Variants in TRAPPC9 observed in about 807,000 individuals in gnomAD.
The protein encoded by TRAPPC9 is IKK2 binding protein.
TRAPPC9 carries 83 observed loss-of-function variants against 124.0 expected under a neutral mutation model. The observed-to-expected ratio is 0.67, with a 90% confidence interval of 0.56 to 0.80. The LOEUF (loss-of-function observed/expected upper bound fraction) is 0.80. TRAPPC9 is among the 30% of genes least tolerant of loss of function. TRAPPC9 has a pLI of 0.00. For missense variants in TRAPPC9, 1,302 were observed against 1,508.3 expected (o/e 0.86, Z 2.27); for synonymous variants, 638 against 617.5 (o/e 1.03, Z -0.49).
chr8:139,980,672 G>A (rs13279341), intron 19 of TRAPPC9, among the ~76,000 whole-genome samples: 28,223 of 152,262 alleles, frequency 0.19, 3,137 homozygotes, highest in African/African-American at 0.32. Flanking sequence ...CTCGGCGCAC[G>A]GTGAGGCCCT....
chr8:140,432,876 A>AT (rs1255461229), intron 4 of TRAPPC9, among the ~76,000 whole-genome samples: 1 of 151,972 alleles, frequency 6.6e-6, no homozygotes, highest in African/African-American at 2.4e-5. Flanking sequence ...TGTATCAAAA[A>AT]AAAAAAAAGT....
intron 15 of TRAPPC9, among the ~76,000 whole-genome samples, chr8:140,268,724 T>C (rs1306884232): frequency 6.6e-6 from 1 of 152,182 alleles, no homozygotes; most frequent in Admixed American, 6.5e-5. Flanking sequence ...ATCCTCAGAC[T>C]GACTGGGGAC....
At chr8:139,971,830 C>CACA (rs1205445747) in intron 19 of TRAPPC9, among the ~76,000 whole-genome samples, 2 of 149,854 alleles carry the variant, frequency 1.3e-5, no homozygotes, top group Non-Finnish European at 3.0e-5. Context: ...CACACACACA[C>CACA]AATTTTTTTT....
intron 19 of TRAPPC9, among the ~76,000 whole-genome samples, chr8:139,980,407 A>C (rs1330503960): frequency 1.3e-5 from 2 of 152,168 alleles, no homozygotes; most frequent in African/African-American, 2.4e-5. Context: ...TTGAGCAGAA[A>C]TTGGGTCCGG....
intron 17 of TRAPPC9, among the ~76,000 whole-genome samples, chr8:140,136,194 G>A (rs889671138): frequency 6.6e-6 from 1 of 152,088 alleles, no homozygotes; most frequent in Non-Finnish European, 1.5e-5. Flanking sequence ...AGGGACCAGT[G>A]GGCAGAGGAG....
chr8:140,033,688 T>TTTG (rs1225633554), intron 17 of TRAPPC9, among the ~76,000 whole-genome samples: 1,566 of 115,084 alleles, frequency 0.014, 79 homozygotes, highest in South Asian at 0.036. Context: ...TTTTTTTTTT[T>TTTG]TTTTTTTTTT....
chr8:140,287,481 C>A (rs1202782673), intron 13 of TRAPPC9, 127 bp downstream of exon 13: 8 of 1,311,244 alleles, frequency 6.1e-6, no homozygotes, highest in Admixed American at 1.7e-5. Context: ...CCCAAAGAGA[C>A]AAGGTCTTCA....
rs917260477 is a variant in TRAPPC9 at position 140,445,309 on chromosome 8, C to T, written c.584+5481G>A. On this transcript the variant is annotated intron_variant, in intron 2 of 22. Coordinates refer to ENST00000438773, the MANE Select transcript of TRAPPC9 (RefSeq NM_001160372.4). ...CTAGCACAGCACATGGCAAGCTTCC[C>T]GTAAATGTGTGCTGAGTCACCTCTG... 6.6e-5 allele frequency among the ~76,000 whole-genome samples: 10 copies of T among 152,318 alleles called. No individual in the cohort carries two copies. In the East Asian group the frequency reaches 1.7e-3, roughly 26 times the overall value.
At chr8:140,162,927 G>C (rs879476272) in intron 17 of TRAPPC9, among the ~76,000 whole-genome samples, 1 of 152,156 alleles carries the variant, frequency 6.6e-6, no homozygotes, top group Non-Finnish European at 1.5e-5. Context: ...AGGAGTTCAA[G>C]ACTGTAGTTA....
chr8:140,118,162 G>A (rs2060924024), intron 17 of TRAPPC9, among the ~76,000 whole-genome samples: 1 of 152,182 alleles, frequency 6.6e-6, no homozygotes, highest in Non-Finnish European at 1.5e-5. Flanking sequence ...GATGCACGTG[G>A]GTGGCGCTTT....
intron 21 of TRAPPC9, among the ~76,000 whole-genome samples, chr8:139,848,498 A>G (rs1827243604): frequency 6.6e-6 from 1 of 152,194 alleles, no homozygotes; most frequent in Non-Finnish European, 1.5e-5. Flanking sequence ...GAGATATGGA[A>G]TAAACATATA....
chr8:140,283,831 G>T, intron 14 of TRAPPC9, 58 bp downstream of exon 14: 1 of 1,568,300 alleles, frequency 6.4e-7, no homozygotes, highest in Non-Finnish European at 8.7e-7. Flanking sequence ...AAAAAAAAAT[G>T]TAGGACCAAA....
chr8:140,227,391 G>C (rs914611402), intron 16 of TRAPPC9, among the ~76,000 whole-genome samples: 1 of 152,060 alleles, frequency 6.6e-6, no homozygotes, highest in Non-Finnish European at 1.5e-5. Flanking sequence ...AGATGAAGGC[G>C]GCCTAGTAGG....
chr8:140,363,984 C>T (rs749666667), intron 8 of TRAPPC9, among the ~76,000 whole-genome samples: 5 of 151,948 alleles, frequency 3.3e-5, no homozygotes, highest in African/African-American at 1.2e-4. Flanking sequence ...AAACGGCATT[C>T]GATGAAAGAG....
chr8:140,453,864 G>A (rs574259361), intron 1 of TRAPPC9, among the ~76,000 whole-genome samples: 34 of 152,322 alleles, frequency 2.2e-4, no homozygotes, highest in East Asian at 3.9e-4. Flanking sequence ...AATACTGAGC[G>A]GGGGAGACTG....
At chr8:139,784,608 CATATATATATATATATATAT>C (rs34583867) in intron 21 of TRAPPC9, among the ~76,000 whole-genome samples, 15 of 88,656 alleles carry the variant, frequency 1.7e-4, no homozygotes, top group Middle Eastern at 6.2e-3. Flanking sequence ...AAAAGACTGA[CATATATATATATATATATAT>C]ATATATATAT....
chr8:140,401,856 G>A (rs1177850421), intron 6 of TRAPPC9, among the ~76,000 whole-genome samples: 7 of 151,414 alleles, frequency 4.6e-5, no homozygotes, highest in African/African-American at 1.7e-4. Context: ...GAACTCCTGA[G>A]CTCAAGTGAT....
rs373158716 is a variant in TRAPPC9, at chr8:140,012,169, G to GA, written c.2699+11767dup. Among the ~76,000 whole-genome samples the GA allele has an allele frequency of 1.1e-3, 163 of 152,254 alleles. 1 individual carries two copies. The highest frequency in any genetic ancestry group is 3.6e-3 in the African/African-American group (151 of 41,550). ...AGCTTTTAGAAGAAAGAAGTGGGGG[G>GA]AAAAAACGTATTATTTTATATAATC... On this transcript the variant is annotated intron_variant, in intron 18 of 22. Transcript: ENST00000438773.
At chr8:140,184,475 G>T (rs1180878324) in intron 17 of TRAPPC9, among the ~76,000 whole-genome samples, 1 of 151,826 alleles carries the variant, frequency 6.6e-6, no homozygotes, top group East Asian at 1.9e-4. Context: ...TCACTCTGTT[G>T]CCCAGGCTGG....
Sources: gnomAD v4.1 joint callset for allele counts (sites outside exome capture counted in the v4.1 genomes callset) on GRCh38, gnomAD v4.1.1 for gene constraint, MANE v1.5 for transcripts, NCBI Gene and HGNC (gene_info 2026-07-23, HGNC 2026-07-21) for gene names.